TENM3: variants seen among roughly 807,000 people sequenced by gnomAD.
The protein encoded by TENM3 is teneurin transmembrane protein 3, also known as teneurin-3.
TENM3 carries 63 observed loss-of-function variants against 255.1 expected under a neutral mutation model. The observed-to-expected ratio is 0.25, with a 90% CI of 0.20 to 0.30. TENM3 has a LOEUF of 0.30. Ranked by LOEUF, TENM3 falls within the 10% of genes least tolerant of loss-of-function variation. The probability of loss-of-function intolerance (pLI) is 1.00; values close to 1 mark genes in which losing one functional copy is unlikely to be tolerated. For synonymous variants in TENM3, 1,306 were observed against 1,322.3 expected, an observed-to-expected ratio of 0.99 and a Z score of 0.27; for missense variants, 2,929 against 3,461.1, an observed-to-expected ratio of 0.85 and a Z score of 3.86.
chr4:182,393,655 T>C (rs1248059490), intron 3 of TENM3, among the ~76,000 whole-genome samples: 13 of 152,190 alleles, frequency 8.5e-5, no homozygotes, highest in Admixed American at 3.3e-4. Context: ...CAGGATTTCT[T>C]TTATGTGATC....
At chr4:181,792,019 A>G in the TENM3 span, among the ~76,000 whole-genome samples, 216 of 152,342 alleles carry the variant, frequency 1.4e-3, no homozygotes, top group African/African-American at 5.0e-3. Context: ...GTAGATTCCT[A>G]TTAGTCTACA....
the TENM3 span, among the ~76,000 whole-genome samples, chr4:181,632,489 A>C: frequency 6.6e-6 from 1 of 152,236 alleles, no homozygotes; most frequent in Non-Finnish European, 1.5e-5. Flanking sequence ...GCAAATATTA[A>C]GTAAACCAGT....
chr4:181,972,734 A>G, the TENM3 span, among the ~76,000 whole-genome samples: 1 of 152,146 alleles, frequency 6.6e-6, no homozygotes. Flanking sequence ...AAGTCACACA[A>G]TCTTGACCGA....
intron 3 of TENM3, among the ~76,000 whole-genome samples, chr4:182,430,015 C>T (rs191875876): frequency 6.6e-6 from 1 of 152,294 alleles, no homozygotes; most frequent in East Asian, 1.9e-4. Context: ...TGAACTGAAG[C>T]CTGTCTGACT....
chr4:181,845,377 A>G, the TENM3 span, among the ~76,000 whole-genome samples: 128 of 152,292 alleles, frequency 8.4e-4, no homozygotes, highest in South Asian at 6.2e-3. Flanking sequence ...CACAGACTTA[A>G]TTTTTCACAT....
intron 7 of TENM3, among the ~76,000 whole-genome samples, chr4:182,673,987 C>CT (rs1470000562): frequency 1.3e-5 from 2 of 152,128 alleles, no homozygotes; most frequent in African/African-American, 4.8e-5. Flanking sequence ...TTCATCATCT[C>CT]TAAGAGAAGT....
chr4:182,723,577 G>A (rs1041691819), intron 13 of TENM3, among the ~76,000 whole-genome samples: 1 of 152,148 alleles, frequency 6.6e-6, no homozygotes, highest in Non-Finnish European at 1.5e-5. Context: ...TGAGAGTATT[G>A]ACAAGCAGCA....
the TENM3 span, among the ~76,000 whole-genome samples, chr4:181,821,185 TC>T: frequency 6.6e-6 from 1 of 152,148 alleles, no homozygotes; most frequent in African/African-American, 2.4e-5. Context: ...TTGCACACAT[TC>T]TGTGCTTTCT....
rs142158069 is a variant in TENM3, at chr4:182,286,480, ACTG to A, written c.-75-37464_-75-37462del. ...GAGAGGGAGAAAGTTCTCACCACAA[ACTG>A]CATCTCCACAACGCTGACGGACCCC... is the stretch of plus-strand genomic sequence containing the variant. On this transcript the variant is annotated intron_variant, in intron 1 of 27. Transcript: ENST00000511685. Among the ~76,000 whole-genome samples, 30 of 152,190 alleles carry A rather than the reference ACTG, an allele frequency of 2.0e-4. No homozygotes were observed. The East Asian group carries it at 5.2e-3, about 27-fold the overall frequency.
chr4:181,814,806 T>C, the TENM3 span, among the ~76,000 whole-genome samples: 1 of 151,964 alleles, frequency 6.6e-6, no homozygotes, highest in Admixed American at 6.6e-5. Context: ...GCAACATCCA[T>C]AATCAGAGCA....
the TENM3 span, among the ~76,000 whole-genome samples, chr4:181,658,446 T>G: frequency 6.6e-6 from 1 of 152,174 alleles, no homozygotes; most frequent in Non-Finnish European, 1.5e-5. Context: ...GAAACTTCTC[T>G]TAGCCTCTCA....
In TENM3 at chr4:182,309,349, A is replaced by G. The variant is rs184092297; in HGVS notation, c.-75-14597A>G. On this transcript the variant is annotated intron_variant, in intron 1 of 27. Transcript: ENST00000511685. ...GTCTGGTGGGCAGTAGACAGTGTAT[A>G]TGTTTATTATAGTAATTTTGCCTGT... is the stretch of plus-strand genomic sequence containing the variant. 2.1e-3 allele frequency among the ~76,000 whole-genome samples: 326 copies of G among 152,290 alleles called. 2 individuals are homozygous for G. Among genetic ancestry groups the G allele is most frequent in the Non-Finnish European group, 2.9e-3 (200 of 68,038 alleles).
intron 3 of TENM3, among the ~76,000 whole-genome samples, chr4:182,474,128 C>T (rs1733432869): frequency 1.3e-5 from 2 of 152,118 alleles, no homozygotes; most frequent in South Asian, 2.1e-4. Flanking sequence ...CTGTAGGTAC[C>T]AGATCAGCCA....
At chr4:182,048,434 C>A in the TENM3 span, among the ~76,000 whole-genome samples, 1 of 152,170 alleles carries the variant, frequency 6.6e-6, no homozygotes, top group Admixed American at 6.5e-5. Context: ...TAGATATTAC[C>A]AGATAATCAT....
the TENM3 span, among the ~76,000 whole-genome samples, chr4:181,572,850 T>C: frequency 1.3e-5 from 2 of 152,198 alleles, no homozygotes; most frequent in Non-Finnish European, 2.9e-5. Context: ...TATCTAACTA[T>C]ATTTTTGTGC....
the TENM3 span, among the ~76,000 whole-genome samples, chr4:181,710,812 G>C: frequency 6.6e-6 from 1 of 150,736 alleles, no homozygotes; most frequent in African/African-American, 2.4e-5. Flanking sequence ...GCCTCCCTGA[G>C]AGCTGGGATT....
Position 182,558,137 on chromosome 4 carries a change from G to A in TENM3, c.512-42787G>A, listed in dbSNP as rs142174333. Reference sequence around the variant, plus strand: ...GGTTACTTTGCAGTGGTTTGCCCTCGATGGAGTGCACAAGAGGAAAGAATG... The same window carrying A: ...GGTTACTTTGCAGTGGTTTGCCCTCAATGGAGTGCACAAGAGGAAAGAATG... On this transcript the variant is annotated intron_variant, in intron 3 of 27. Coordinates refer to ENST00000511685, the MANE Select transcript of TENM3 (RefSeq NM_001080477.4). 4.2e-4 allele frequency among the ~76,000 whole-genome samples: 64 copies of A among 152,264 alleles called. 1 individual carries two copies. In the East Asian group the frequency reaches 0.011, roughly 26 times the overall value.
intron 3 of TENM3, among the ~76,000 whole-genome samples, chr4:182,490,725 T>TG (rs1735216101): frequency 1.2e-4 from 1 of 8,288 alleles, no homozygotes; most frequent in Non-Finnish European, 3.3e-4. Context: ...AGATGGTACC[T>TG]TATGAAGGGA....
At position 182,754,571 on chromosome 4, in the gene TENM3, C is replaced by T. The variant is rs1450292113; in HGVS notation, c.4204C>T (p.Leu1402=). Residue 1402 remains leucine (L), a synonymous_variant, in exon 22 of 28, where the codon CTG becomes TTG. Transcript: ENST00000511685. The surrounding 1 kb of genome is among the most constrained non-coding windows in gnomAD (Gnocchi z 5.1). ...PVGKHAVQTT[L]ESATAIAVSY... ...GGGGAAGCACGCGGTGCAGACAACA[C>T]TGGAATCAGCCACTGCCATTGCTGT... 6.2e-7 allele frequency: 1 copy of T among 1,613,898 alleles called. No homozygotes were observed. The highest frequency in any genetic ancestry group is 1.3e-5 in the African/African-American group (1 of 74,946).
Sources: allele counts gnomAD v4.1 joint callset (sites outside exome capture counted in the v4.1 genomes callset), GRCh38; gene constraint gnomAD v4.1.1; non-coding constraint Gnocchi (gnomAD v3.1); transcripts MANE v1.5; gene names NCBI Gene and HGNC (gene_info 2026-07-23, HGNC 2026-07-21).